The following WDR87 variants were observed in gnomAD, a reference collection of about 807,000 sequenced individuals.
WDR87 encodes the protein WD repeat domain 87, also known as WD repeat-containing protein 87.
In WDR87, 56 loss-of-function variants were observed where a neutral mutation model predicts 83.3. The ratio of observed to expected loss-of-function variants is 0.67; its 90% CI spans 0.54 to 0.84. The LOEUF (loss-of-function observed/expected upper bound fraction) is 0.84. WDR87 is among the 40% of genes least tolerant of loss of function. The pLI is 0.00. For missense variants in WDR87, 2,939 were observed against 3,431.9 expected (o/e 0.86, Z 3.59); for synonymous variants, 1,173 against 1,250.6 (o/e 0.94, Z 1.31).
Position 37,886,654 on chromosome 19 carries a change from CT to C in WDR87, c.7016del (p.Gln2339ArgfsTer14). On this transcript the variant is annotated frameshift_variant, in exon 6 of 6. Transcript: ENST00000447313. LOFTEE classifies it low-confidence loss of function (END_TRUNC). Reference sequence around the variant, plus strand: ...TCTCCTCAAACACTTCTTCCTTCTCCTGAACCTCCTCCTTCTTCTTTTCCTT... The same window carrying C: ...TCTCCTCAAACACTTCTTCCTTCTCCGAACCTCCTCCTTCTTCTTTTCCTT... ...KKKEKKKEEV[Q>X]EKEEVFEEKE... 1 of 1,509,040 alleles carries C rather than the reference CT, an allele frequency of 6.6e-7. No individual in the cohort carries two copies. The highest frequency in any genetic ancestry group is 9.0e-7 in the Non-Finnish European group (1 of 1,113,978). The allele number at this position is 1,509,040 out of a possible 1,614,324, so 93.5% of individuals were successfully genotyped here.
Position 37,885,394 on chromosome 19 carries a change from C to CA in WDR87, c.8276_8277insT (p.Lys2759AsnfsTer45), listed in dbSNP as rs763670486. ...ATGTCTCCCACAAAGGCAACTCTTC[C>CA]TTTTTTTTAGAAATGGGCTGTGTCT... On this transcript the variant is annotated frameshift_variant, in exon 6 of 6. Coordinates refer to ENST00000447313, the MANE Select transcript of WDR87 (RefSeq NM_001291088.2). LOFTEE classifies it low-confidence loss of function (END_TRUNC). The CA allele has an allele frequency of 2.8e-5, 43 of 1,551,538 alleles. No individual in the cohort carries two copies. Among genetic ancestry groups the CA allele is most frequent in the Non-Finnish European group, 3.2e-5 (37 of 1,146,988 alleles).
chr19:37,903,070 C>T (rs2046302684), intron 1 of WDR87, among the ~76,000 whole-genome samples: 1 of 152,150 alleles, frequency 6.6e-6, no homozygotes, highest in African/African-American at 2.4e-5. Context: ...GTACATATAA[C>T]GAGGAGACCT....
rs1036667029 is a variant in WDR87, at chr19:37,886,245, T to G, written c.7426A>C (p.Arg2476=). The G allele has an allele frequency of 1.2e-5, 19 of 1,551,624 alleles. No homozygotes were observed. Among genetic ancestry groups the G allele is most frequent in the Non-Finnish European group, 1.7e-5 (19 of 1,147,010 alleles). ...RKFLGTMDKE[R]EVMGKYEPIP... ...GGTTCATATTTTCCCATCACTTCTC[T>G]TTCTTTATCCATTGTCCCTAAGAAT... Residue 2476 remains arginine (R), a synonymous_variant, in exon 6 of 6, where the codon AGA becomes CGA. Transcript: ENST00000447313.
Position 37,893,482 on chromosome 19 carries a change from C to T in WDR87, c.2221G>A (p.Ala741Thr). The T allele has an allele frequency of 6.4e-7, 1 of 1,551,946 alleles. No homozygotes were observed. The highest frequency in any genetic ancestry group is 8.7e-7 in the Non-Finnish European group (1 of 1,147,062). Residue 741 changes from alanine (A) to threonine (T), a missense_variant, in exon 4 of 6, where the codon GCC becomes ACC. Around this residue, in one of 3 missense-constraint regions of WDR87, gnomAD observed 2,160 missense variants for 2,533.1 expected, o/e 0.85. Coordinates refer to ENST00000447313, the MANE Select transcript of WDR87 (RefSeq NM_001291088.2). Reference sequence around the variant, plus strand: ...ACATGTGGCACAGAATGGTCAAAGGCAATGGCCCGGTTGTTGACAAGTTTC... The same window carrying T: ...ACATGTGGCACAGAATGGTCAAAGGTAATGGCCCGGTTGTTGACAAGTTTC... ...LEKLVNNRAI[A>T]FDHSVPHVIE... is the part of the protein sequence containing the mutation.
At chr19:37,897,399 G>A (rs1164724969) in intron 2 of WDR87, among the ~76,000 whole-genome samples, 1 of 151,526 alleles carries the variant, frequency 6.6e-6, no homozygotes, top group African/African-American at 2.4e-5. Context: ...TAGTAGAGAC[G>A]GGATTTCACC....
rs1254781059 is a variant in WDR87, at chr19:37,889,212, G to A, written c.4459C>T (p.Leu1487=). 1 of 1,552,060 alleles carries A rather than the reference G, an allele frequency of 6.4e-7. No individual in the cohort carries two copies. Among genetic ancestry groups the A allele is most frequent in the Non-Finnish European group, 8.7e-7 (1 of 1,147,108 alleles). Residue 1487 remains leucine (L), a synonymous_variant, in exon 6 of 6, where the codon CTG becomes TTG. Transcript: ENST00000447313. Reference sequence around the variant, plus strand: ...GATGGTGTCCTCTCAATCATAACCAGTTTTCCTTCTTGTTTGACCACTTTC... The same window carrying A: ...GATGGTGTCCTCTCAATCATAACCAATTTTCCTTCTTGTTTGACCACTTTC... ...EEKVVKQEGK[L]VMIERTPSWQ...
intron 1 of WDR87, among the ~76,000 whole-genome samples, chr19:37,898,755 G>A (rs1158817939): frequency 2.0e-5 from 3 of 152,148 alleles, no homozygotes; most frequent in African/African-American, 4.8e-5. Flanking sequence ...TTTGTAGGCT[G>A]GCCTAGTTCT....
rs2046170101 is a variant in WDR87, at chr19:37,888,328, C to T, written c.5343G>A (p.Leu1781=). 4 of 1,551,544 alleles carry T rather than the reference C, an allele frequency of 2.6e-6. No homozygotes were observed. The highest frequency in any genetic ancestry group is 3.5e-6 in the Non-Finnish European group (4 of 1,146,992). Residue 1781 remains leucine, a synonymous_variant, in exon 6 of 6, where the codon CTG becomes CTA. Transcript: ENST00000447313. The stretch of plus-strand genomic sequence containing the variant: ...CAGCCAGTTTCTTCTTTTCCTCAAC[C>T]AGTTTCCCCTCTTCCTGATTCAGTT... ...EEELNQEEGK[L]VEEKKKLAEE...
In WDR87 at chr19:37,884,851, G is replaced by T; in HGVS notation, c.*81C>A. ...CTCAAAAAAAAAAAAAAGAGAGAGA[G>T]AGAGATGAAGGTCTAGATCCTGGTA... is the stretch of plus-strand genomic sequence containing the variant. On this transcript the variant is annotated 3_prime_UTR_variant, in exon 6 of 6. Transcript: ENST00000447313. The T allele has an allele frequency of 8.6e-7, 1 of 1,161,780 alleles. No individual in the cohort carries two copies. The highest frequency in any genetic ancestry group is 1.1e-6 in the Non-Finnish European group (1 of 907,558). The allele number at this position is 1,161,780 out of a possible 1,614,324, so 72.0% of individuals were successfully genotyped here. A position where few individuals can be genotyped will look rare whatever the true frequency, so the allele number is the denominator to read the frequency against.
In WDR87 at chr19:37,895,038, A is replaced by G. The variant is rs755903227; in HGVS notation, c.665T>C (p.Met222Thr). Reference protein sequence around the residue: ...ALCETVVRVLMHQGKGQLGEV... With the variant: ...ALCETVVRVLTHQGKGQLGEV... Reference sequence around the variant, plus strand: ...TCCCAGCTGGCCCTTGCCCTGGTGCATAAGGACCCTCACCACCGTCTCACA... The same window carrying G: ...TCCCAGCTGGCCCTTGCCCTGGTGCGTAAGGACCCTCACCACCGTCTCACA... Residue 222 changes from methionine to threonine, a missense_variant, in exon 4 of 6, where the codon ATG (methionine) becomes ACG (threonine). This residue lies in a region of WDR87 where 226 missense variants were observed against 320.9 expected (regional missense o/e 0.70). Coordinates refer to ENST00000447313, the MANE Select transcript of WDR87 (RefSeq NM_001291088.2). The G allele has an allele frequency of 1.3e-6, 2 of 1,551,710 alleles. No individual in the cohort carries two copies. The highest frequency in any genetic ancestry group is 1.2e-5 in the South Asian group (1 of 84,070).
rs2046177287 is a variant in WDR87 at position 37,888,896 on chromosome 19, T to G, written c.4775A>C (p.Glu1592Ala). Residue 1592 changes from glutamate (E) to alanine (A), a missense_variant, in exon 6 of 6, where the codon GAG becomes GCG. Physicochemically the swap from Glu to Ala is moderately radical, Grantham distance 107. This residue lies in a region of WDR87 where 2,160 missense variants were observed against 2,533.1 expected (regional missense o/e 0.85). Coordinates refer to ENST00000447313, the MANE Select transcript of WDR87 (RefSeq NM_001291088.2). ...EVTLEEEVSR[E>A]GEEKEQQVTE... ...GACCTGCTGTTCTTTTTCTTCCCCC[T>G]CCCGAGACACTTCTTCCTCCAAAGT... The G allele has an allele frequency of 6.4e-7, 1 of 1,552,128 alleles. No homozygotes were observed. The highest frequency in any genetic ancestry group is 2.4e-5 in the East Asian group (1 of 40,912).
chr19:37,888,149 CT>C lies in WDR87; in HGVS notation c.5521del (p.Arg1841GlyfsTer4). 2 of 1,552,028 alleles carry C rather than the reference CT, an allele frequency of 1.3e-6. No individual in the cohort carries two copies. The highest frequency in any genetic ancestry group is 1.7e-6 in the Non-Finnish European group (2 of 1,147,084). ...PEEEERLGRK[R>X]EQLIEKKMKL... Reference sequence around the variant, plus strand: ...CATCTTCTTCTCAATCAATTGCTCCCTTTTCCGTCCCAGTCTTTCCTCTTCC... The same window carrying C: ...CATCTTCTTCTCAATCAATTGCTCCCTTTCCGTCCCAGTCTTTCCTCTTCC... On this transcript the variant is annotated frameshift_variant, in exon 6 of 6. Coordinates refer to ENST00000447313, the MANE Select transcript of WDR87 (RefSeq NM_001291088.2). LOFTEE classifies it low-confidence loss of function (END_TRUNC).
rs1322708537 is a variant in WDR87, at chr19:37,888,930, C to T, written c.4741G>A (p.Glu1581Lys). Residue 1581 changes from glutamate (E) to lysine (K), a missense_variant, in exon 6 of 6, where the codon GAA (glutamate) becomes AAA (lysine). Physicochemically the swap from Glu to Lys is moderately conservative, Grantham distance 56. Coordinates refer to ENST00000447313, the MANE Select transcript of WDR87 (RefSeq NM_001291088.2). The stretch of plus-strand genomic sequence containing the variant: ...ACTTCTTCCTCCAAAGTCACTTCTT[C>T]CTCATCCTTGTACTGTTGCTCCTTG... ...KSKEQQYKDE[E>K]EVTLEEEVSR... 1.3e-6 allele frequency: 2 copies of T among 1,552,116 alleles called. No individual in the cohort carries two copies. Among genetic ancestry groups the T allele is most frequent in the East Asian group, 2.4e-5 (1 of 40,928 alleles).
In WDR87 at chr19:37,895,317, A is replaced by C; in HGVS notation, c.386T>G (p.Ile129Ser). 13 of 1,551,750 alleles carry C rather than the reference A, an allele frequency of 8.4e-6. No homozygotes were observed. Among genetic ancestry groups the C allele is most frequent in the Non-Finnish European group, 1.1e-5 (13 of 1,147,016 alleles). ...AAAGTGGTCCCCAAAGAGTCGCAGG[A>C]TCAGGTCACCACAGTAGACCACGAG... ...HILVVYCGDL[I>S]LRLFGDHFRA... Residue 129 changes from isoleucine to serine, a missense_variant, in exon 4 of 6, where the codon ATC becomes AGC. By Grantham distance (142) the Ile-to-Ser change is moderately radical. Transcript: ENST00000447313.
Position 37,888,832 on chromosome 19 carries a change from C to T in WDR87, c.4839G>A (p.Trp1613Ter). Residue 1613 changes from tryptophan (W) to a stop codon, truncating the protein, a stop_gained, in exon 6 of 6, where the codon TGG becomes TGA. Coordinates refer to ENST00000447313, the MANE Select transcript of WDR87 (RefSeq NM_001291088.2). LOFTEE classifies it low-confidence loss of function (END_TRUNC). ...GGGCTCGTTTCCTGTGTATTCTGGC[C>T]CATTTGTGTTCTTCTTGGATGTGTC... The part of the protein sequence containing the change: ...EQRHIQEEHK[W>*]ARIHRKRARA... 6 of 1,551,612 alleles carry T rather than the reference C, an allele frequency of 3.9e-6. No individual in the cohort carries two copies. Among genetic ancestry groups the T allele is most frequent in the Non-Finnish European group, 4.4e-6 (5 of 1,147,000 alleles).
chr19:37,900,389 T>C (rs2046285661), intron 1 of WDR87, among the ~76,000 whole-genome samples: 1 of 151,668 alleles, frequency 6.6e-6, no homozygotes, highest in Non-Finnish European at 1.5e-5. Flanking sequence ...GGTGAAACCC[T>C]GTCTCTACTA....
chr19:37,887,431 T>A lies in WDR87; in HGVS notation c.6240A>T (p.Gly2080=). The A allele has an allele frequency of 2.6e-6, 4 of 1,551,676 alleles. No homozygotes were observed. The highest frequency in any genetic ancestry group is 3.5e-6 in the Non-Finnish European group (4 of 1,146,964). ...TTTGCCCCTGGACAAATATTCTCTG[T>A]CCTCTAGTAAATTCCAGTTTTCCTT... is the stretch of plus-strand genomic sequence containing the variant. ...IAKGKLEFTR[G]QRIFVQGQRK... Residue 2080 remains glycine (G), a synonymous_variant, in exon 6 of 6, where the codon GGA becomes GGT. Transcript: ENST00000447313.
At chr19:37,896,645 G>A (rs2046258337) in intron 2 of WDR87, among the ~76,000 whole-genome samples, 1 of 152,058 alleles carries the variant, frequency 6.6e-6, no homozygotes, top group Non-Finnish European at 1.5e-5. Context: ...TTTAGATGGA[G>A]TCTCTTTCTG....
chr19:37,897,548 G>A (rs2046265866), intron 2 of WDR87, among the ~76,000 whole-genome samples: 1 of 152,068 alleles, frequency 6.6e-6, no homozygotes, highest in Admixed American at 6.5e-5. Flanking sequence ...TAGCAAAACT[G>A]AGCTTGGCAA....
Sources: gnomAD v4.1 joint callset for allele counts (sites outside exome capture counted in the v4.1 genomes callset) on GRCh38, gnomAD v4.1.1 for gene constraint, gnomAD v4.1.1 regional missense constraint, MANE v1.5 for transcripts, NCBI Gene and HGNC (gene_info 2026-07-23, HGNC 2026-07-21) for gene names.